The following SLC8A1 variants were observed in gnomAD, a reference collection of about 807,000 sequenced individuals.
SLC8A1 encodes sodium/calcium exchanger 1.
In SLC8A1, 18 loss-of-function variants were observed where a neutral mutation model predicts 68.3. The ratio of observed to expected loss-of-function variants is 0.26; its 90% confidence interval spans 0.18 to 0.39. The LOEUF (loss-of-function observed/expected upper bound fraction) is 0.39, where lower values mean the gene tolerates loss of function less well. Among genes scored for constraint, SLC8A1 ranks in the 10% least tolerant of loss-of-function variants. The pLI is 1.00. For missense variants in SLC8A1, 985 were observed against 1,156.7 expected, an observed-to-expected ratio of 0.85 and a Z score of 2.15; for synonymous variants, 475 against 415.5, an observed-to-expected ratio of 1.14 and a Z score of -1.74.
At chr2:40,430,368 G>A in intron 1 of SLC8A1, 64 bp from the exon 2 acceptor site, 1 of 1,444,900 alleles carries the variant, frequency 6.9e-7, no homozygotes. Flanking sequence ...TGCAGCCAAA[G>A]CATTACTAAT....
At chr2:40,281,818 G>T (rs2067569228) in intron 2 of SLC8A1, among the ~76,000 whole-genome samples, 1 of 152,190 alleles carries the variant, frequency 6.6e-6, no homozygotes, top group African/African-American at 2.4e-5. Context: ...GCTAATGATG[G>T]TTAATAAAGG....
chr2:40,157,902 G>A (rs1195690035), intron 6 of SLC8A1, among the ~76,000 whole-genome samples: 1 of 152,114 alleles, frequency 6.6e-6, no homozygotes, highest in East Asian at 1.9e-4. Flanking sequence ...AAAGAACTGG[G>A]TTGGCAGAAT....
At chr2:40,372,761 T>C (rs921356218) in intron 2 of SLC8A1, among the ~76,000 whole-genome samples, 1 of 152,112 alleles carries the variant, frequency 6.6e-6, no homozygotes, top group Non-Finnish European at 1.5e-5. Flanking sequence ...CTTCCTCCCC[T>C]GTAGTTAATA....
intron 1 of SLC8A1, among the ~76,000 whole-genome samples, chr2:40,495,941 C>CA (rs925274396): frequency 3.9e-5 from 6 of 151,928 alleles, no homozygotes; most frequent in Non-Finnish European, 7.4e-5. Flanking sequence ...TCTCAGGCAA[C>CA]AAAAAATTAT....
chr2:40,482,884 G>A (rs1465800277), intron 1 of SLC8A1, among the ~76,000 whole-genome samples: 1 of 148,628 alleles, frequency 6.7e-6, no homozygotes, highest in Non-Finnish European at 1.5e-5. Flanking sequence ...TCCGCCTCCC[G>A]GGTTCACGCC....
intron 1 of SLC8A1, among the ~76,000 whole-genome samples, chr2:40,465,084 T>C (rs538086005): frequency 2.6e-5 from 4 of 152,270 alleles, no homozygotes; most frequent in South Asian, 4.1e-4. Flanking sequence ...AGAGAAGAAG[T>C]TGTCAACTAG....
At chr2:40,252,865 A>G (rs2063035552) in intron 2 of SLC8A1, among the ~76,000 whole-genome samples, 2 of 111,800 alleles carry the variant, frequency 1.8e-5, no homozygotes, top group African/African-American at 4.6e-5. Flanking sequence ...TACACATTTG[A>G]TTCCAATAAT....
chr2:40,461,443 T>G (rs969098632), intron 1 of SLC8A1, among the ~76,000 whole-genome samples: 16 of 152,172 alleles, frequency 1.1e-4, no homozygotes, highest in African/African-American at 3.9e-4. Context: ...CTAAAACAGA[T>G]TATAGTAATC....
chr2:40,332,057 C>G (rs1388389545), intron 2 of SLC8A1, among the ~76,000 whole-genome samples: 1 of 152,044 alleles, frequency 6.6e-6, no homozygotes, highest in Non-Finnish European at 1.5e-5. Context: ...TCAAGTGATC[C>G]TCCCACCTCA....
chr2:40,412,140 G>A (rs1005596712), intron 2 of SLC8A1, among the ~76,000 whole-genome samples: 11 of 152,036 alleles, frequency 7.2e-5, no homozygotes, highest in African/African-American at 2.7e-4. Context: ...TCTTCATGGC[G>A]TTGCTATACT....
At chr2:40,488,225 GAA>G (rs71406073) in intron 1 of SLC8A1, among the ~76,000 whole-genome samples, 16 of 132,342 alleles carry the variant, frequency 1.2e-4, no homozygotes, top group South Asian at 2.4e-4. Context: ...TCTGTAGACA[GAA>G]AAAAAAAAAA....
At chr2:40,249,328 G>T (rs1204955918) in intron 2 of SLC8A1, among the ~76,000 whole-genome samples, 2 of 152,042 alleles carry the variant, frequency 1.3e-5, no homozygotes, top group African/African-American at 4.8e-5. Context: ...TTGAAATAAA[G>T]AGAACAGTGG....
chr2:40,135,761 T>C (rs947164938), intron 7 of SLC8A1, among the ~76,000 whole-genome samples: 1 of 152,028 alleles, frequency 6.6e-6, no homozygotes, highest in Admixed American at 6.6e-5. Flanking sequence ...CTGTAGGACC[T>C]TTGACCATGG....
intron 2 of SLC8A1, among the ~76,000 whole-genome samples, chr2:40,194,833 C>G (rs2052649735): frequency 6.6e-6 from 1 of 152,000 alleles, no homozygotes; most frequent in Non-Finnish European, 1.5e-5. Context: ...TCAACCCGCC[C>G]ACTGGAGTAG....
At chr2:40,170,504 A>G (rs2047286234) in intron 4 of SLC8A1, among the ~76,000 whole-genome samples, 155 bp from the exon 7 acceptor site, 1 of 152,198 alleles carries the variant, frequency 6.6e-6, no homozygotes, top group Non-Finnish European at 1.5e-5. Flanking sequence ...ACCCCTAGGT[A>G]GGTCACAGAA....
intron 2 of SLC8A1, among the ~76,000 whole-genome samples, chr2:40,280,906 A>G (rs1021913458): frequency 5.3e-5 from 8 of 152,198 alleles, no homozygotes; most frequent in Non-Finnish European, 1.0e-4. Flanking sequence ...GAATTAATCA[A>G]TCTCTTTATA....
chr2:40,131,434 T>G (rs886341691), intron 7 of SLC8A1, among the ~76,000 whole-genome samples: 2 of 152,214 alleles, frequency 1.3e-5, no homozygotes, highest in African/African-American at 4.8e-5. Flanking sequence ...TCTGATTCCC[T>G]GCTGTCCTTC....
chr2:40,508,750 T>C (rs565528085), intron 1 of SLC8A1, among the ~76,000 whole-genome samples: 16 of 152,302 alleles, frequency 1.1e-4, no homozygotes, highest in African/African-American at 3.8e-4. Context: ...TACATTTTTT[T>C]CCTAATCTTC....
chr2:40,352,618 A>G (rs1044524019), intron 2 of SLC8A1, among the ~76,000 whole-genome samples: 2 of 152,190 alleles, frequency 1.3e-5, no homozygotes, highest in Non-Finnish European at 2.9e-5. Context: ...ATAGGCAAAG[A>G]GTGGCTTAAG....
Sources: gnomAD v4.1 joint callset for allele counts (sites outside exome capture counted in the v4.1 genomes callset) on GRCh38, gnomAD v4.1.1 for gene constraint, MANE v1.5 for transcripts, NCBI Gene and HGNC (gene_info 2026-07-23, HGNC 2026-07-21) for gene names.